SMC2: variants seen among roughly 807,000 people sequenced by gnomAD.
The protein encoded by SMC2 is structural maintenance of chromosomes 2.
SMC2 carries 41 observed loss-of-function variants against 142.6 expected under a neutral mutation model. The observed-to-expected ratio is 0.29, with a 90% CI of 0.22 to 0.37. The LOEUF is 0.37. Among genes scored for constraint, SMC2 ranks in the 10% least tolerant of loss-of-function variants. The pLI is 1.00. For missense variants in SMC2, 1,265 were observed against 1,373.7 expected, an observed-to-expected ratio of 0.92 and a Z score of 1.25; for synonymous variants, 463 against 457.5, an observed-to-expected ratio of 1.01 and a Z score of -0.15.
At chr9:104,120,005 T>C in intron 15 of SMC2, 22 bp from the exon 16 acceptor site, 1 of 1,612,722 alleles carries the variant, frequency 6.2e-7, no homozygotes, top group Non-Finnish European at 8.5e-7. Flanking sequence ...GTGGAAGACC[T>C]GTTTCAATTT....
intron 1 of SMC2, 146 bp downstream of exon 1, chr9:104,094,623 G>A (rs1275790045): frequency 2.6e-6 from 1 of 381,664 alleles, no homozygotes; most frequent in Non-Finnish European, 4.6e-6. Flanking sequence ...TAGAAATAAA[G>A]GCTAGCTTCT....
In SMC2 at chr9:104,125,032, A is replaced by G; in HGVS notation, c.2378A>G (p.Asp793Gly). ...AEAERERELK[D>G]AQKKLDCAKT... Reference sequence around the variant, plus strand: ...GCTGAAAGAGAGCGAGAACTGAAAGATGCTCAGAAAAAACTGGATTGTGCC... The same window carrying G: ...GCTGAAAGAGAGCGAGAACTGAAAGGTGCTCAGAAAAAACTGGATTGTGCC... The change falls in exon 18 of 25, where the codon GAT becomes GGT. Residue 793 changes from aspartate (D) to glycine (G), a missense_variant. This residue lies in a region of SMC2 where 898 missense variants were observed against 904.2 expected (regional missense o/e 0.99). Transcript: ENST00000374793. The G allele has an allele frequency of 1.2e-6, 2 of 1,606,888 alleles. No homozygotes were observed. The highest frequency in any genetic ancestry group is 1.7e-6 in the Non-Finnish European group (2 of 1,178,494).
rs1831283090 is a variant in SMC2 at position 104,102,563 on chromosome 9, A to G, written c.1010A>G (p.Asn337Ser). Residue 337 changes from asparagine to serine, a missense_variant, in exon 9 of 25, where the codon AAT (asparagine) becomes AGT (serine). Around this residue, in one of 4 missense-constraint regions of SMC2, gnomAD observed 898 missense variants for 904.2 expected, o/e 0.99. Coordinates refer to ENST00000374793, the MANE Select transcript of SMC2 (RefSeq NM_006444.3). Reference protein sequence around the residue: ...EESKRKELEKNMVEDSKTLAA... With the variant: ...EESKRKELEKSMVEDSKTLAA... ...AGCAAACGCAAAGAGCTGGAAAAAA[A>G]TATGGTTGAGGTAAGTGAGCTTAAT... is the stretch of plus-strand genomic sequence containing the variant. 1.9e-6 allele frequency: 3 copies of G among 1,613,110 alleles called. No individual in the cohort carries two copies. Among genetic ancestry groups the G allele is most frequent in the Non-Finnish European group, 2.5e-6 (3 of 1,179,580 alleles).
intron 3 of SMC2, among the ~76,000 whole-genome samples, chr9:104,096,924 C>T (rs1564064875): frequency 1.3e-5 from 2 of 152,052 alleles, no homozygotes; most frequent in East Asian, 3.9e-4. Flanking sequence ...TTTAATGGCA[C>T]CTTAGATTGG....
At chr9:104,111,529 T>G (rs1832447039) in intron 9 of SMC2, 52 bp from the exon 10 acceptor site, 2 of 1,149,728 alleles carry the variant, frequency 1.7e-6, no homozygotes, top group East Asian at 2.4e-5. Context: ...TATAAGAAAG[T>G]GGGTGTTTTT....
At chr9:104,120,226 C>G in intron 16 of SMC2, 64 bp downstream of exon 16, 3 of 1,404,880 alleles carry the variant, frequency 2.1e-6, no homozygotes, top group Non-Finnish European at 2.9e-6. Context: ...AGAAAATTTA[C>G]TTTTATTTCA....
upstream of SMC2, among the ~76,000 whole-genome samples, chr9:104,090,762 G>A (rs959980018): frequency 1.4e-4 from 21 of 152,176 alleles, no homozygotes; most frequent in African/African-American, 4.6e-4. Flanking sequence ...AGCACCACAT[G>A]AGGAAATAAA....
At chr9:104,115,220 G>A (rs776247142) in intron 13 of SMC2, among the ~76,000 whole-genome samples, 15 of 151,022 alleles carry the variant, frequency 9.9e-5, no homozygotes, top group Admixed American at 2.0e-4. Flanking sequence ...TAAATGCTAC[G>A]TAGTCATTGT....
chr9:104,093,946 G>C (rs1048201063), upstream of SMC2, among the ~76,000 whole-genome samples: 1 of 152,236 alleles, frequency 6.6e-6, no homozygotes, highest in African/African-American at 2.4e-5. Context: ...GCTTTGAGGA[G>C]AGAAAAGTAA....
rs778917262 is a variant in SMC2 at position 104,114,673 on chromosome 9, T to C, written c.1533-18T>C. 16 of 1,601,586 alleles carry C rather than the reference T, an allele frequency of 1.0e-5. No homozygotes were observed. In the Admixed American group the frequency reaches 1.2e-4, roughly 12 times the overall value. On this transcript the variant is annotated intron_variant, in intron 12 of 24. Coordinates refer to ENST00000374793, the MANE Select transcript of SMC2 (RefSeq NM_006444.3). Reference sequence around the variant, plus strand: ...CTTTATTATCTAAGATTAATTTTTGTCAACTTTTGTATTTCAGGGATCCAG... The same window carrying C: ...CTTTATTATCTAAGATTAATTTTTGCCAACTTTTGTATTTCAGGGATCCAG...
intron 5 of SMC2, 37 bp from the exon 6 acceptor site, chr9:104,100,056 T>C: frequency 8.7e-7 from 1 of 1,151,824 alleles, no homozygotes; most frequent in Non-Finnish European, 1.3e-6. Flanking sequence ...GGACACATTG[T>C]CTTGGATACT....
At chr9:104,134,388 T>TTTAAC in intron 22 of SMC2, 27 bp from the exon 23 acceptor site, 1 of 1,546,004 alleles carries the variant, frequency 6.5e-7, no homozygotes, top group East Asian at 2.3e-5. Flanking sequence ...ATCCTGATGT[T>TTTAAC]TTAACTTTTT....
chr9:104,134,348 T>G, intron 22 of SMC2, 67 bp from the exon 23 acceptor site: 1 of 1,228,310 alleles, frequency 8.1e-7, no homozygotes, highest in Non-Finnish European at 1.1e-6. Flanking sequence ...TGCATATACA[T>G]ATATCAACAA....
At chr9:104,127,797 G>A (rs1412531493) in intron 20 of SMC2, among the ~76,000 whole-genome samples, 1 of 152,126 alleles carries the variant, frequency 6.6e-6, no homozygotes, top group Non-Finnish European at 1.5e-5. Context: ...TGATGTGCTA[G>A]TAATAATGAT....
chr9:104,108,879 C>T (rs965966), intron 9 of SMC2, among the ~76,000 whole-genome samples: 184 of 152,214 alleles, frequency 1.2e-3, no homozygotes, highest in Non-Finnish European at 2.1e-3. Flanking sequence ...GGGTTTATAC[C>T]CCAGAAATAG....
chr9:104,104,700 C>T (rs529227436), intron 9 of SMC2, among the ~76,000 whole-genome samples: 1 of 152,310 alleles, frequency 6.6e-6, no homozygotes. Flanking sequence ...GTAGTTTATC[C>T]TCCAATCTAG....
chr9:104,094,726 T>G, intron 1 of SMC2: 230 of 262,862 alleles, frequency 8.7e-4, no homozygotes, highest in East Asian at 1.8e-3. Flanking sequence ...GAATATGAGA[T>G]ACATCTCATC....
intron 1 of SMC2, among the ~76,000 whole-genome samples, chr9:104,095,039 A>T (rs1245759177): frequency 6.6e-6 from 1 of 152,198 alleles, no homozygotes; most frequent in African/African-American, 2.4e-5. Flanking sequence ...GATATGTAAT[A>T]ATCCATAGTC....
rs1185335539 is a variant in SMC2 at position 104,140,183 on chromosome 9, A to G, written c.*868A>G. 1 of 152,046 alleles carries G rather than the reference A, an allele frequency of 6.6e-6. No individual in the cohort carries two copies. The highest frequency in any genetic ancestry group is 1.5e-5 in the Non-Finnish European group (1 of 67,980). 9.4% of individuals were successfully genotyped at this position (152,046 alleles called of 1,614,324 possible). ...ATGTAGGTGCCAGTAGACTAAACCA[A>G]ATTTATTTTTCCCTGAGTCTGATAT... On this transcript the variant is annotated 3_prime_UTR_variant, in exon 25 of 25. Transcript: ENST00000374793.
Sources: allele counts gnomAD v4.1 joint callset (sites outside exome capture counted in the v4.1 genomes callset), GRCh38; gene constraint gnomAD v4.1.1; regional missense constraint gnomAD v4.1.1; transcripts MANE v1.5; gene names NCBI Gene and HGNC (gene_info 2026-07-23, HGNC 2026-07-21).